The following COL5A3 variants were observed in gnomAD, a reference collection of about 807,000 sequenced individuals.
The protein encoded by COL5A3 is collagen alpha-3(V) chain.
A neutral mutation model predicts 250.0 loss-of-function variants in COL5A3; 172 were observed. That is an observed-to-expected ratio of 0.69 (90% CI 0.61 to 0.78). The LOEUF (loss-of-function observed/expected upper bound fraction) is 0.78. COL5A3 is among the 30% of genes least tolerant of loss of function. The pLI, the probability that COL5A3 is intolerant of heterozygous loss-of-function variation, is 0.00. For synonymous variants in COL5A3, 937 were observed against 900.4 expected (o/e 1.04, Z -0.73); for missense variants, 2,340 against 2,334.4 (o/e 1.00, Z -0.05).
chr19:9,965,852 G>C (rs952312298), intron 64 of COL5A3, among the ~76,000 whole-genome samples: 2 of 151,330 alleles, frequency 1.3e-5, no homozygotes, highest in African/African-American at 4.9e-5. Flanking sequence ...TCTTTTTTCT[G>C]AGAAGGAGAC....
rs1341677968 is a variant in COL5A3, at chr19:9,970,679, G to A, written c.3883-4C>T. On this transcript the variant is annotated splice_region_variant and splice_polypyrimidine_tract_variant and intron_variant, in intron 53 of 66. Coordinates refer to ENST00000264828, the MANE Select transcript of COL5A3 (RefSeq NM_015719.4). ...CCCCAGAAGCTCCAGGCGGACCCTGGAGGAGACAAGGACACCAGCTGTGGT... is the reference window on the plus strand; with the variant it reads ...CCCCAGAAGCTCCAGGCGGACCCTGAAGGAGACAAGGACACCAGCTGTGGT... The A allele has an allele frequency of 6.3e-6, 9 of 1,436,642 alleles. No homozygotes were observed. Among genetic ancestry groups the A allele is most frequent in the Non-Finnish European group, 8.2e-6 (9 of 1,095,338 alleles). 89.0% of individuals were successfully genotyped at this position (1,436,642 alleles called of 1,614,324 possible). A position where few individuals can be genotyped will look rare whatever the true frequency, so the allele number is the denominator to read the frequency against.
At chr19:9,991,735 A>G in intron 23 of COL5A3, 53 bp downstream of exon 23, 1 of 1,598,014 alleles carries the variant, frequency 6.3e-7, no homozygotes, top group Non-Finnish European at 8.5e-7. Context: ...GTCACGGTCT[A>G]AGGTCTTAAC....
intron 54 of COL5A3, among the ~76,000 whole-genome samples, chr19:9,970,160 TGGGGTG>T (rs2086812677): frequency 4.0e-5 from 1 of 25,260 alleles, no homozygotes; most frequent in Non-Finnish European, 7.0e-5. Flanking sequence ...GTGGGGTCTG[TGGGGTG>T]AGTGGGGTCT....
chr19:9,980,776 G>A (rs1379520820), intron 34 of COL5A3, 30 bp downstream of exon 34: 1 of 1,613,432 alleles, frequency 6.2e-7, no homozygotes, highest in East Asian at 2.2e-5. Context: ...CTGGGGCATG[G>A]GGGGCCTTGA....
intron 10 of COL5A3, among the ~76,000 whole-genome samples, chr19:9,997,711 C>G (rs1411467647): frequency 6.6e-6 from 1 of 152,176 alleles, no homozygotes; most frequent in Non-Finnish European, 1.5e-5. Flanking sequence ...AAGCAATCCT[C>G]CCACCTTGGC....
chr19:9,993,338 A>T (rs1453730257), intron 19 of COL5A3, 42 bp downstream of exon 19: 3 of 1,604,606 alleles, frequency 1.9e-6, no homozygotes, highest in Non-Finnish European at 2.6e-6. Context: ...AGGCTTCCAA[A>T]CTTACTTTCC....
At chr19:9,980,462 A>G (rs183028901) in intron 35 of COL5A3, among the ~76,000 whole-genome samples, 186 bp downstream of exon 35, 10 of 152,192 alleles carry the variant, frequency 6.6e-5, no homozygotes, top group Non-Finnish European at 1.5e-4. Context: ...CCTGGGCTCA[A>G]GCAATTCTCT....
intron 8 of COL5A3, among the ~76,000 whole-genome samples, chr19:9,999,024 TTC>T (rs201864841): frequency 6.8e-5 from 8 of 117,146 alleles, no homozygotes; most frequent in South Asian, 2.4e-4. Context: ...CTTTCTTTCT[TTC>T]TCTTTCTTTT....
chr19:9,995,525 A>G (rs376465520), intron 16 of COL5A3, 39 bp downstream of exon 16: 2 of 1,569,190 alleles, frequency 1.3e-6, no homozygotes, highest in East Asian at 2.3e-5. Flanking sequence ...GTGTTGAGGG[A>G]TGGATAAGGG....
chr19:9,978,155 T>A (rs565891847), intron 41 of COL5A3, among the ~76,000 whole-genome samples: 1 of 151,750 alleles, frequency 6.6e-6, no homozygotes, highest in African/African-American at 2.4e-5. Context: ...AGGTAAGTAT[T>A]TACTGGATAA....
Position 9,983,598 on chromosome 19 carries a change from AAGAGAAAG to A in COL5A3, c.2407-1488_2407-1481del, listed in dbSNP as rs1568418838. Among the ~76,000 whole-genome samples, 118 of 84,478 alleles carry A rather than the reference AAGAGAAAG, an allele frequency of 1.4e-3. 3 individuals carry two copies. The highest frequency in any genetic ancestry group is 4.9e-3 in the African/African-American group (99 of 20,062). 55.4% of individuals were successfully genotyped at this position (84,478 alleles called of 152,430 possible). ...AAAGAAAGAAAGAAAGAAAGAAAGA[AAGAGAAAG>A]AGAGAGAGAGAGAAAGAAAGAAAGA... On this transcript the variant is annotated intron_variant, in intron 31 of 66. Transcript: ENST00000264828.
chr19:9,989,992 T>C (rs1054140881), intron 24 of COL5A3, among the ~76,000 whole-genome samples: 3 of 151,654 alleles, frequency 2.0e-5, no homozygotes, highest in African/African-American at 7.3e-5. Flanking sequence ...CCTCAAGTGA[T>C]CCACCCACCT....
chr19:9,996,958 C>CAG (rs140384989), intron 11 of COL5A3: 21,978 of 533,084 alleles, frequency 0.041, 856 homozygotes, highest in African/African-American at 0.14. Flanking sequence ...GAGACAGAAA[C>CAG]AGAGAGACAG....
chr19:9,991,683 G>A (rs369509332), intron 23 of COL5A3, 29 bp from the exon 24 acceptor site: 2 of 1,612,096 alleles, frequency 1.2e-6, no homozygotes, highest in African/African-American at 2.7e-5. Flanking sequence ...GATGAGAGAA[G>A]GCATAAGAAA....
At chr19:9,966,197 AGT>A in intron 64 of COL5A3, 115 bp downstream of exon 64, 1 of 784,394 alleles carries the variant, frequency 1.3e-6, no homozygotes. Flanking sequence ...GCATACAGTA[AGT>A]GCTCAATAAA....
Position 9,968,193 on chromosome 19 carries a change from C to T in COL5A3, c.4315-114G>A. 8.9e-7 allele frequency: 1 copy of T among 1,124,900 alleles called. No homozygotes were observed. The highest frequency in any genetic ancestry group is 1.3e-6 in the Non-Finnish European group (1 of 780,606). The allele number at this position is 1,124,900 out of a possible 1,614,324, so 69.7% of individuals were successfully genotyped here. ...AAGACCCCGAACCCTAGACAAGCCT[C>T]CAGTTCCCCCACAGAGAGACCCCAA... On this transcript the variant is annotated intron_variant, in intron 59 of 66. Transcript: ENST00000264828. The surrounding 1 kb of genome is among the most constrained non-coding windows in gnomAD (Gnocchi z 4.1).
rs749958915 is a variant in COL5A3, at chr19:9,982,115, A to C, written c.2410T>G (p.Ser804Ala). ...GYPGRPGPKG[S>A]IGFPGPLGPI... ...CCCAGGGGACCGGGAAATCCAATAG[A>C]TCCCTGAGTGGAGAGAATTAGAAAG... Residue 804 changes from serine to alanine, a missense_variant, in exon 32 of 67, where the codon TCT (serine) becomes GCT (alanine). Ser to Ala is a moderately conservative substitution (Grantham distance 99, BLOSUM62 1). Coordinates refer to ENST00000264828, the MANE Select transcript of COL5A3 (RefSeq NM_015719.4). 4.4e-5 allele frequency: 70 copies of C among 1,600,188 alleles called. 1 individual carries two copies. In the South Asian group the frequency reaches 7.8e-4, roughly 18 times the overall value.
rs553055665 is a variant in COL5A3, at chr19:9,970,036, G to A, written c.3937-114C>T. On this transcript the variant is annotated intron_variant, in intron 54 of 66. Coordinates refer to ENST00000264828, the MANE Select transcript of COL5A3 (RefSeq NM_015719.4). ...TGAGTGGGGTCTGTAAGGTGAGTGGGGTCTGTGGGGTGAATGAGGTCTGGG... is the reference window on the plus strand; with the variant it reads ...TGAGTGGGGTCTGTAAGGTGAGTGGAGTCTGTGGGGTGAATGAGGTCTGGG... 1.3e-5 allele frequency: 7 copies of A among 558,682 alleles called. No homozygotes were observed. In the African/African-American group the frequency reaches 1.3e-4, roughly 10 times the overall value. 34.6% of individuals were successfully genotyped at this position (558,682 alleles called of 1,614,324 possible). A position where few individuals can be genotyped will look rare whatever the true frequency, so the allele number is the denominator to read the frequency against.
At chr19:9,998,558 C>T (rs2087306554) in intron 8 of COL5A3, among the ~76,000 whole-genome samples, 1 of 152,222 alleles carries the variant, frequency 6.6e-6, no homozygotes, top group Non-Finnish European at 1.5e-5. Flanking sequence ...ATGCTTGGCA[C>T]ACAACAAGCA....
Sources: allele counts gnomAD v4.1 joint callset (sites outside exome capture counted in the v4.1 genomes callset), GRCh38; gene constraint gnomAD v4.1.1; non-coding constraint Gnocchi (gnomAD v3.1); transcripts MANE v1.5; gene names NCBI Gene and HGNC (gene_info 2026-07-23, HGNC 2026-07-21).